ROBO1: variants seen among roughly 807,000 people sequenced by gnomAD.
ROBO1 encodes roundabout homolog 1.
Under a neutral mutation model 195.9 loss-of-function variants are expected in ROBO1, and 149 were observed. That is an observed-to-expected ratio of 0.76 (90% CI 0.67 to 0.87). ROBO1 has a LOEUF of 0.87. Among genes scored for constraint, ROBO1 ranks in the 40% least tolerant of loss-of-function variants. The pLI is 0.00. For synonymous variants in ROBO1, 816 were observed against 733.2 expected, an observed-to-expected ratio of 1.11 and a Z score of -1.82; for missense variants, 1,933 against 2,068.3, an observed-to-expected ratio of 0.93 and a Z score of 1.27.
At chr3:79,107,280 C>T (rs1576681084) in intron 3 of ROBO1, among the ~76,000 whole-genome samples, 2 of 151,472 alleles carry the variant, frequency 1.3e-5, no homozygotes, top group Admixed American at 1.3e-4. Flanking sequence ...AAACACATGA[C>T]CCTTTTGTGA....
intron 2 of ROBO1, among the ~76,000 whole-genome samples, chr3:79,460,429 G>A (rs1191946424): frequency 6.6e-6 from 1 of 152,092 alleles, no homozygotes; most frequent in African/African-American, 2.4e-5. Flanking sequence ...TCTGATGTGA[G>A]TACATAATAA....
chr3:79,377,020 A>G (rs2036409066), intron 2 of ROBO1, among the ~76,000 whole-genome samples: 1 of 151,424 alleles, frequency 6.6e-6, no homozygotes, highest in Non-Finnish European at 1.5e-5. Flanking sequence ...AATTAAGCAA[A>G]TATATAGCAG....
intron 4 of ROBO1, among the ~76,000 whole-genome samples, chr3:78,860,065 C>G (rs1451437088): frequency 7.0e-6 from 1 of 142,098 alleles, no homozygotes; most frequent in Non-Finnish European, 1.5e-5. Flanking sequence ...GGTGACAGAG[C>G]GAGACTTCGT....
At position 79,563,090 on chromosome 3, in the gene ROBO1, T is replaced by C. The variant is rs555445582; in HGVS notation, c.88+26734A>G. On this transcript the variant is annotated intron_variant, in intron 2 of 30. Transcript: ENST00000464233. ...ACACATATGGCTAGGGGTGAAATAC[T>C]ATATAAAGTGTCAAAGCATAATCAT... is the stretch of plus-strand genomic sequence containing the variant. Among the ~76,000 whole-genome samples, 9 of 152,184 alleles carry C rather than the reference T, an allele frequency of 5.9e-5. No homozygotes were observed. In the South Asian group the frequency reaches 1.7e-3, roughly 28 times the overall value.
chr3:79,442,878 C>T (rs1054162353), intron 2 of ROBO1, among the ~76,000 whole-genome samples: 1 of 152,020 alleles, frequency 6.6e-6, no homozygotes, highest in East Asian at 1.9e-4. Flanking sequence ...ATGCAGGGTA[C>T]TTTTTATTGT....
intron 26 of ROBO1, among the ~76,000 whole-genome samples, chr3:78,619,198 T>C (rs1704305864): frequency 6.6e-6 from 1 of 151,858 alleles, no homozygotes; most frequent in African/African-American, 2.4e-5. Context: ...CTCATCAAAT[T>C]TTGCACTCCT....
At chr3:79,489,111 T>C (rs1939312977) in intron 2 of ROBO1, among the ~76,000 whole-genome samples, 1 of 142,946 alleles carries the variant, frequency 7.0e-6, no homozygotes, top group Non-Finnish European at 1.5e-5. Context: ...TATAAGTACA[T>C]ATATATATAT....
intron 26 of ROBO1, among the ~76,000 whole-genome samples, chr3:78,625,897 G>A (rs1704738670): frequency 6.6e-6 from 1 of 152,116 alleles, no homozygotes; most frequent in East Asian, 1.9e-4. Context: ...CATGGAGCCA[G>A]AAGGGAGGCC....
intron 1 of ROBO1, among the ~76,000 whole-genome samples, chr3:79,700,317 T>TTTGTGTGTG (rs1553793339): frequency 1.4e-5 from 2 of 144,150 alleles, no homozygotes; most frequent in Non-Finnish European, 3.0e-5. Flanking sequence ...GTGTGTGTGT[T>TTTGTGTGTG]TGTGTGTGTG....
At chr3:78,727,959 GTATT>G (rs2082203028) in intron 5 of ROBO1, among the ~76,000 whole-genome samples, 1 of 151,734 alleles carries the variant, frequency 6.6e-6, no homozygotes, top group African/African-American at 2.4e-5. Flanking sequence ...AAAATTCTAT[GTATT>G]TATGACAAAA....
At chr3:79,750,207 G>T (rs1397425628) in intron 1 of ROBO1, among the ~76,000 whole-genome samples, 1 of 152,180 alleles carries the variant, frequency 6.6e-6, no homozygotes, top group African/African-American at 2.4e-5. Flanking sequence ...TGGGGGCTGT[G>T]GCCCCTTTGT....
At chr3:79,715,529 G>A (rs186166150) in intron 1 of ROBO1, among the ~76,000 whole-genome samples, 4 of 152,222 alleles carry the variant, frequency 2.6e-5, no homozygotes, top group African/African-American at 9.6e-5. Flanking sequence ...TAATGCTCTT[G>A]CACATTTAAT....
intron 3 of ROBO1, among the ~76,000 whole-genome samples, chr3:78,973,735 A>T (rs1327657434): frequency 6.6e-6 from 1 of 151,706 alleles, no homozygotes; most frequent in Non-Finnish European, 1.5e-5. Flanking sequence ...CTGAGGAAGT[A>T]ATGTTAGCTA....
At chr3:79,111,361 AG>A (rs1286799230) in intron 3 of ROBO1, among the ~76,000 whole-genome samples, 4 of 152,142 alleles carry the variant, frequency 2.6e-5, no homozygotes, top group Non-Finnish European at 4.4e-5. Context: ...AAAACTAGAA[AG>A]GAATTAGCTG....
chr3:79,492,425 C>CAAAAAAAAAA (rs745481519), intron 2 of ROBO1, among the ~76,000 whole-genome samples: 5 of 85,674 alleles, frequency 5.8e-5, no homozygotes, highest in Non-Finnish European at 8.3e-5. Context: ...GACTCTGTTT[C>CAAAAAAAAAA]AGAAAAAAAA....
intron 2 of ROBO1, among the ~76,000 whole-genome samples, chr3:79,374,187 G>C (rs1010195471): frequency 9.2e-5 from 14 of 152,218 alleles, no homozygotes; most frequent in African/African-American, 3.4e-4. Flanking sequence ...ATAGAGGCTG[G>C]TGTTTCAGCT....
intron 1 of ROBO1, among the ~76,000 whole-genome samples, chr3:79,590,242 G>A (rs1404890979): frequency 6.6e-6 from 1 of 151,644 alleles, no homozygotes; most frequent in Non-Finnish European, 1.5e-5. Flanking sequence ...TGCCAGATAA[G>A]TGATTTTTGC....
At chr3:78,833,428 T>C in intron 4 of ROBO1, among the ~76,000 whole-genome samples, 1 of 152,146 alleles carries the variant, frequency 6.6e-6, no homozygotes, top group Non-Finnish European at 1.5e-5. Context: ...TTAAAATTAA[T>C]TGTATGAAAC....
intron 2 of ROBO1, among the ~76,000 whole-genome samples, chr3:79,466,608 G>A (rs1040064367): frequency 6.6e-5 from 10 of 152,006 alleles, no homozygotes; most frequent in African/African-American, 2.4e-4. Flanking sequence ...AGATTCAAGT[G>A]GATCTTAGAG....
Sources: allele counts gnomAD v4.1 joint callset (sites outside exome capture counted in the v4.1 genomes callset), GRCh38; gene constraint gnomAD v4.1.1; transcripts MANE v1.5; gene names NCBI Gene and HGNC (gene_info 2026-07-23, HGNC 2026-07-21).